The following CHM variants were observed in gnomAD, a reference collection of about 807,000 sequenced individuals.
The protein encoded by CHM is CHM Rab escort protein, also known as rab proteins geranylgeranyltransferase component A 1.
In CHM, 10 loss-of-function variants were observed where a neutral mutation model predicts 49.0. That is an observed-to-expected ratio of 0.20 (90% CI 0.13 to 0.35). The LOEUF (loss-of-function observed/expected upper bound fraction) is 0.35, where lower values mean the gene tolerates loss of function less well. Ranked by LOEUF, CHM falls within the 10% of genes least tolerant of loss-of-function variation. CHM has a pLI of 1.00. For missense variants in CHM, 455 were observed against 478.4 expected, an observed-to-expected ratio of 0.95 and a Z score of 0.46; for synonymous variants, 184 against 167.5, an observed-to-expected ratio of 1.10 and a Z score of -0.76.
At chrX:86,003,468 TA>T (rs993720098) in intron 2 of CHM, among the ~76,000 whole-genome samples, 12 of 111,934 alleles carry the variant, frequency 1.1e-4, no homozygotes, top group African/African-American at 3.9e-4. Flanking sequence ...TTCTCCCAGC[TA>T]AAGGAGCATG....
rs1000291651 is a variant in CHM, at chrX:85,861,370, T to G, written c.*3260A>C. The G allele has an allele frequency of 1.8e-5, 2 of 111,870 alleles. No individual in the cohort carries two copies. The highest frequency in any genetic ancestry group is 6.5e-5 in the African/African-American group (2 of 30,771). The allele number at this position is 111,870 out of a possible 1,213,427, so 9.2% of individuals were successfully genotyped here. Reference sequence around the variant, plus strand: ...CCTACTGTAAAGAATCACCAACCACTATTTAGCAATTAAATTTCAACACAT... The same window carrying G: ...CCTACTGTAAAGAATCACCAACCACGATTTAGCAATTAAATTTCAACACAT... On this transcript the variant is annotated 3_prime_UTR_variant, in exon 15 of 15. Coordinates refer to ENST00000357749, the MANE Select transcript of CHM (RefSeq NM_000390.4).
intron 2 of CHM, among the ~76,000 whole-genome samples, chrX:86,008,481 G>A (rs113756545): frequency 9.0e-6 from 1 of 111,181 alleles, no homozygotes; most frequent in African/African-American, 3.3e-5. Flanking sequence ...TTTTATTGTT[G>A]TCTTCATGAT....
intron 8 of CHM, among the ~76,000 whole-genome samples, chrX:85,941,394 C>T (rs771544957): frequency 9.0e-6 from 1 of 111,369 alleles, no homozygotes; most frequent in Non-Finnish European, 1.9e-5. Flanking sequence ...TTCTGACACA[C>T]CTGAAAGCTT....
chrX:85,899,671 T>C (rs1926120811), intron 11 of CHM, among the ~76,000 whole-genome samples: 1 of 91,843 alleles, frequency 1.1e-5, no homozygotes, highest in African/African-American at 4.1e-5. Flanking sequence ...TCCAAAATGC[T>C]CTAAACCCAC....
At chrX:85,932,689 C>A in intron 8 of CHM, among the ~76,000 whole-genome samples, 1 of 112,024 alleles carries the variant, frequency 8.9e-6, no homozygotes, top group Non-Finnish European at 1.9e-5. Flanking sequence ...CATTAAACAG[C>A]ACTTTTTATT....
chrX:85,972,345 G>A (rs759037924), intron 4 of CHM, among the ~76,000 whole-genome samples: 6 of 113,576 alleles, frequency 5.3e-5, no homozygotes, highest in East Asian at 2.8e-4. Flanking sequence ...TGCCAGTCCC[G>A]CGCCATGCGC....
chrX:85,943,395 C>T lies in CHM; in HGVS notation c.1166+12758G>A, dbSNP rs145365580. Among the ~76,000 whole-genome samples, 42 of 112,158 alleles carry T rather than the reference C, an allele frequency of 3.7e-4. 1 individual carries two copies. The East Asian group carries it at 9.8e-3, about 26-fold the overall frequency. ...TCAGCATTAATGCTTATCGAATGCA[C>T]AAATTCAAGTTATAGGGGTAAGGAG... On this transcript the variant is annotated intron_variant, in intron 8 of 14. Transcript: ENST00000357749.
intron 13 of CHM, among the ~76,000 whole-genome samples, chrX:85,874,684 A>C (rs984853751): frequency 8.9e-6 from 1 of 111,797 alleles, no homozygotes; most frequent in African/African-American, 3.2e-5. Flanking sequence ...TGATCTCCTA[A>C]GGTGCCCCTT....
intron 2 of CHM, among the ~76,000 whole-genome samples, chrX:86,021,157 T>TATATATATATAC (rs1174140484): frequency 7.0e-4 from 36 of 51,093 alleles, no homozygotes; most frequent in African/African-American, 2.9e-3. Flanking sequence ...TATATATATA[T>TATATATATATAC]ACACGTATAT....
chrX:85,944,734 G>A (rs1929308420), intron 8 of CHM, among the ~76,000 whole-genome samples: 1 of 111,838 alleles, frequency 8.9e-6, no homozygotes, highest in Admixed American at 9.5e-5. Flanking sequence ...ATTTCTCAAA[G>A]AACTTAAAAC....
At chrX:85,864,861 G>A (rs766105146) in intron 14 of CHM, 40 bp from the exon 15 acceptor site, 19 of 1,125,123 alleles carry the variant, frequency 1.7e-5, no homozygotes, top group Non-Finnish European at 2.1e-5. Context: ...TTTGGAAATC[G>A]GTTTAAAATG....
chrX:85,905,874 A>G (rs1467862459), intron 9 of CHM, among the ~76,000 whole-genome samples: 1 of 111,615 alleles, frequency 9.0e-6, no homozygotes, highest in Non-Finnish European at 1.9e-5. Flanking sequence ...AAGGTCTTAC[A>G]CTTTATTCTG....
At chrX:85,893,820 C>T (rs940441581) in intron 12 of CHM, among the ~76,000 whole-genome samples, 1 of 110,771 alleles carries the variant, frequency 9.0e-6, no homozygotes, top group African/African-American at 3.3e-5. Context: ...ATAAGTTACC[C>T]AGTCTAAGGT....
At chrX:85,903,870 G>C (rs922778251) in intron 9 of CHM, among the ~76,000 whole-genome samples, 8 of 111,102 alleles carry the variant, frequency 7.2e-5, no homozygotes, top group Non-Finnish European at 1.1e-4. Context: ...CAGTCTGGTA[G>C]ATGATAATAA....
At chrX:85,892,847 T>C (rs772135403) in intron 12 of CHM, among the ~76,000 whole-genome samples, 23 of 111,752 alleles carry the variant, frequency 2.1e-4, no homozygotes, top group Non-Finnish European at 3.6e-4. Context: ...CGCAAAACCA[T>C]ATTAGTTTTT....
In CHM at chrX:85,863,422, C is replaced by T. The variant is rs1161940168; in HGVS notation, c.*1208G>A. ...ATATTAGGGCTTACCAACTGTCATA[C>T]ACAATTTGGAGTCCTTGGTGGTTGC... On this transcript the variant is annotated 3_prime_UTR_variant, in exon 15 of 15. Coordinates refer to ENST00000357749, the MANE Select transcript of CHM (RefSeq NM_000390.4). 1.3e-4 allele frequency: 14 copies of T among 111,719 alleles called. No homozygotes were observed. The highest frequency in any genetic ancestry group is 4.5e-4 in the African/African-American group (14 of 30,778). 9.2% of individuals were successfully genotyped at this position (111,719 alleles called of 1,213,427 possible). A position where few individuals can be genotyped will look rare whatever the true frequency, so the allele number is the denominator to read the frequency against.
At chrX:86,035,209 T>C (rs991743280) in intron 1 of CHM, among the ~76,000 whole-genome samples, 6 of 112,019 alleles carry the variant, frequency 5.4e-5, no homozygotes, top group Non-Finnish European at 9.4e-5. Context: ...AAAACATTTT[T>C]CACTTAAAAA....
intron 2 of CHM, among the ~76,000 whole-genome samples, chrX:86,001,831 CA>C (rs773676422): frequency 9.6e-6 from 1 of 104,673 alleles, no homozygotes; most frequent in Non-Finnish European, 2.0e-5. Flanking sequence ...ACAATTTTTT[CA>C]AAAAAAAAAG....
chrX:85,931,404 G>A (rs755147976), intron 8 of CHM, among the ~76,000 whole-genome samples: 41 of 111,452 alleles, frequency 3.7e-4, no homozygotes, highest in African/African-American at 1.2e-3. Flanking sequence ...CTAAAAATGC[G>A]TAAAAATCCA....
Sources: gnomAD v4.1 joint callset for allele counts (sites outside exome capture counted in the v4.1 genomes callset) on GRCh38, gnomAD v4.1.1 for gene constraint, MANE v1.5 for transcripts, NCBI Gene and HGNC (gene_info 2026-07-23, HGNC 2026-07-21) for gene names.